SOS1: variants seen among roughly 807,000 people sequenced by gnomAD.
The protein encoded by SOS1 is SOS Ras/Rac guanine nucleotide exchange factor 1, also known as son of sevenless homolog 1.
Under a neutral mutation model 157.6 loss-of-function variants are expected in SOS1, and 25 were observed. The observed-to-expected ratio is 0.16, with a 90% CI of 0.12 to 0.22. SOS1 has a LOEUF of 0.22. SOS1 is among the 10% of genes least tolerant of loss of function. The pLI is 1.00. For missense variants in SOS1, 1,237 were observed against 1,599.1 expected, an observed-to-expected ratio of 0.77 and a Z score of 3.86; for synonymous variants, 528 against 534.0, an observed-to-expected ratio of 0.99 and a Z score of 0.16.
intron 1 of SOS1, among the ~76,000 whole-genome samples, chr2:39,108,707 A>C (rs1431301625): frequency 6.6e-6 from 1 of 152,088 alleles, no homozygotes; most frequent in Non-Finnish European, 1.5e-5. Flanking sequence ...TGAGTAACAC[A>C]GTGAGACCCT....
chr2:39,069,721 T>C (rs1320601148), intron 1 of SOS1, among the ~76,000 whole-genome samples: 1 of 152,084 alleles, frequency 6.6e-6, no homozygotes, highest in Non-Finnish European at 1.5e-5. Flanking sequence ...CCAATTTCTG[T>C]ATTTTTAGTG....
chr2:39,021,239 C>T (rs1669784277), intron 10 of SOS1, among the ~76,000 whole-genome samples: 1 of 151,422 alleles, frequency 6.6e-6, no homozygotes, highest in African/African-American at 2.4e-5. Flanking sequence ...GACTACAAAA[C>T]AAGTATCAGC....
intron 20 of SOS1, among the ~76,000 whole-genome samples, chr2:38,990,357 A>C (rs1668694919): frequency 6.6e-6 from 1 of 152,110 alleles, no homozygotes; most frequent in Non-Finnish European, 1.5e-5. Flanking sequence ...ATGATTCCTA[A>C]GTGTAGCAAT....
intron 5 of SOS1, 75 bp downstream of exon 5, chr2:39,054,539 A>T: frequency 1.2e-6 from 1 of 854,388 alleles, no homozygotes; most frequent in Non-Finnish European, 2.0e-6. Context: ...GATGAACTGT[A>T]CAACTTCAAA....
intron 5 of SOS1, among the ~76,000 whole-genome samples, chr2:39,054,262 C>A (rs1671130395): frequency 6.6e-6 from 1 of 152,178 alleles, no homozygotes; most frequent in Non-Finnish European, 1.5e-5. Flanking sequence ...TCCCTGCTGC[C>A]AAGCATGGTA....
chr2:39,027,231 C>G lies in SOS1; in HGVS notation c.1075-3094G>C, dbSNP rs892801640. Among the ~76,000 whole-genome samples, 5 of 152,110 alleles carry G rather than the reference C, an allele frequency of 3.3e-5. 1 individual carries two copies. Among genetic ancestry groups the G allele is most frequent in the Admixed American group, 2.0e-4 (3 of 15,276 alleles). On this transcript the variant is annotated intron_variant, in intron 8 of 22. Transcript: ENST00000402219. The stretch of plus-strand genomic sequence containing the variant: ...AAATATTTATAAAAGAAAAAATCCA[C>G]TTGGACATCCTTTGATTTTCTATCC...
At chr2:39,116,015 G>T (rs1558521195) in intron 1 of SOS1, among the ~76,000 whole-genome samples, 1 of 151,688 alleles carries the variant, frequency 6.6e-6, no homozygotes, top group Non-Finnish European at 1.5e-5. Flanking sequence ...GACGAACATT[G>T]GATTGTTTCC....
At chr2:39,114,791 T>C (rs996676221) in intron 1 of SOS1, among the ~76,000 whole-genome samples, 1 of 151,990 alleles carries the variant, frequency 6.6e-6, no homozygotes, top group African/African-American at 2.4e-5. Flanking sequence ...AAGACAGGGG[T>C]TTCACTATGT....
chr2:39,108,528 C>A (rs1673291228), intron 1 of SOS1, among the ~76,000 whole-genome samples: 1 of 152,184 alleles, frequency 6.6e-6, no homozygotes, highest in South Asian at 2.1e-4. Flanking sequence ...CCTTAACTGG[C>A]TAACTCTCAT....
At chr2:39,082,156 T>G (rs1672224683) in intron 1 of SOS1, among the ~76,000 whole-genome samples, 1 of 152,226 alleles carries the variant, frequency 6.6e-6, no homozygotes, top group East Asian at 1.9e-4. Flanking sequence ...TCATTCTAAT[T>G]ACTTTTTGTA....
Position 39,012,140 on chromosome 2 carries a change from T to C in SOS1, c.2376A>G (p.Glu792=). 6.2e-7 allele frequency: 1 copy of C among 1,610,616 alleles called. No homozygotes were observed. Among genetic ancestry groups the C allele is most frequent in the Non-Finnish European group, 8.5e-7 (1 of 1,176,864 alleles). Residue 792 remains glutamate (E), a synonymous_variant, in exon 14 of 23, where the codon GAA becomes GAG. Transcript: ENST00000402219. Reference sequence around the variant, plus strand: ...AAATTACATACCGGTATAGATCTGATTCAAGTAAAGTGAGTTGTCGAGCAA... The same window carrying C: ...AAATTACATACCGGTATAGATCTGACTCAAGTAAAGTGAGTTGTCGAGCAA... The part of the protein sequence containing the change: ...IEIARQLTLL[E]SDLYRAVQPS...
At chr2:39,023,785 C>T in intron 9 of SOS1, 1 of 490,330 alleles carries the variant, frequency 2.0e-6, no homozygotes, top group Non-Finnish European at 3.6e-6. Context: ...TACCAGTTGA[C>T]TCTCAGGAGG....
chr2:39,086,334 G>C (rs1484335510), intron 1 of SOS1, among the ~76,000 whole-genome samples: 3 of 152,186 alleles, frequency 2.0e-5, no homozygotes, highest in Non-Finnish European at 4.4e-5. Flanking sequence ...GTAGGGCCCA[G>C]ATCACTGGCC....
intron 2 of SOS1, among the ~76,000 whole-genome samples, chr2:39,062,611 G>C (rs1299797981): frequency 2.1e-5 from 3 of 145,770 alleles, no homozygotes; most frequent in Admixed American, 1.4e-4. Flanking sequence ...AAAAAAAAAA[G>C]CCTGAGATGA....
At chr2:39,099,871 C>G (rs1476431414) in intron 1 of SOS1, among the ~76,000 whole-genome samples, 1 of 152,014 alleles carries the variant, frequency 6.6e-6, no homozygotes, top group East Asian at 1.9e-4. Context: ...CTGGAGTAGC[C>G]GGGATTACGG....
chr2:39,039,534 G>C (rs956066018), intron 6 of SOS1, among the ~76,000 whole-genome samples: 1 of 152,164 alleles, frequency 6.6e-6, no homozygotes, highest in Non-Finnish European at 1.5e-5. Context: ...TAGTAAGGTT[G>C]AGAATCTACT....
intron 1 of SOS1, among the ~76,000 whole-genome samples, chr2:39,089,544 A>G (rs556123561): frequency 1.3e-5 from 2 of 151,290 alleles, no homozygotes; most frequent in East Asian, 1.9e-4. Context: ...AAAAAAAAAA[A>G]AAAGAAAGAA....
chr2:39,003,241 T>C (rs1014439071), intron 17 of SOS1, among the ~76,000 whole-genome samples: 2 of 151,980 alleles, frequency 1.3e-5, no homozygotes, highest in Admixed American at 6.6e-5. Context: ...ATATTACAAA[T>C]AGCGGTAATT....
rs564919897 is a variant in SOS1 at position 39,019,318 on chromosome 2, G to A, written c.1858+3252C>T. On this transcript the variant is annotated intron_variant, in intron 10 of 22. Transcript: ENST00000402219. Reference sequence around the variant, plus strand: ...AGCACCACCTACCATTTATCTACTCGTGTTGTTTTAGGTCTCATTAACTTG... The same window carrying A: ...AGCACCACCTACCATTTATCTACTCATGTTGTTTTAGGTCTCATTAACTTG... 4.0e-5 allele frequency among the ~76,000 whole-genome samples: 6 copies of A among 151,608 alleles called. No homozygotes were observed. The South Asian group carries it at 8.3e-4, about 21-fold the overall frequency.
Sources: allele counts gnomAD v4.1 joint callset (sites outside exome capture counted in the v4.1 genomes callset), GRCh38; gene constraint gnomAD v4.1.1; transcripts MANE v1.5; gene names NCBI Gene and HGNC (gene_info 2026-07-23, HGNC 2026-07-21).